Variants in CEACAM3 observed in about 807,000 individuals in gnomAD.
CEACAM3 encodes the protein CEA cell adhesion molecule 3.
Under a neutral mutation model 30.1 loss-of-function variants are expected in CEACAM3, and 32 were observed. The observed-to-expected ratio is 1.06, with a 90% CI of 0.80 to 1.43. The LOEUF is 1.43. Ranked by LOEUF, CEACAM3 falls within the 40% of genes most tolerant of loss-of-function variation. The pLI is 0.00. For missense variants in CEACAM3, 290 were observed against 316.3 expected (o/e 0.92, Z 0.63); for synonymous variants, 134 against 127.2 (o/e 1.05, Z -0.36).
rs2073225756 is a variant in CEACAM3, at chr19:41,808,886, G to T, written c.498G>T (p.Leu166=). Reference sequence around the variant, plus strand: ...CCGGGGTCCTGGTCGGAGTGGCGCTGGTGGCCGCGCTGGTGTGTTTCCTGC... The same window carrying T: ...CCGGGGTCCTGGTCGGAGTGGCGCTTGTGGCCGCGCTGGTGTGTTTCCTGC... ...IVTGVLVGVA[L]VAALVCFLLL... The change falls in exon 3 of 7, where the codon CTG becomes CTT. Residue 166 remains leucine (L), a synonymous_variant. Transcript: ENST00000357396. 6.2e-7 allele frequency: 1 copy of T among 1,608,624 alleles called. No homozygotes were observed. The highest frequency in any genetic ancestry group is 8.5e-7 in the Non-Finnish European group (1 of 1,177,430).
At chr19:41,804,973 A>C (rs1023956075) in intron 2 of CEACAM3, among the ~76,000 whole-genome samples, 5 of 152,144 alleles carry the variant, frequency 3.3e-5, no homozygotes, top group African/African-American at 1.2e-4. Context: ...CCAATATCCA[A>C]AATTTTTTGA....
chr19:41,797,507 G>C (rs2073111104), intron 1 of CEACAM3, 82 bp from the exon 2 acceptor site: 2 of 1,524,882 alleles, frequency 1.3e-6, no homozygotes, highest in Non-Finnish European at 1.8e-6. Context: ...GAAGGGTGAA[G>C]AGACTCTCTC....
rs1231688072 is a variant in CEACAM3 at position 41,797,611 on chromosome 19, C to T, written c.87C>T (p.Asn29=). 2 of 1,613,710 alleles carry T rather than the reference C, an allele frequency of 1.2e-6. No individual in the cohort carries two copies. Among genetic ancestry groups the T allele is most frequent in the Non-Finnish European group, 1.7e-6 (2 of 1,179,808 alleles). Residue 29 remains asparagine (N), a synonymous_variant, in exon 2 of 7, where the codon AAC becomes AAT. Coordinates refer to ENST00000357396, the MANE Select transcript of CEACAM3 (RefSeq NM_001815.5). ...TAGCCTCACTTCTAAACTTCTGGAA[C>T]CCGCCCACCACTGCCAAGCTCACTA... ...LLTASLLNFW[N]PPTTAKLTIE... is the part of the protein sequence containing the mutation.
chr19:41,805,309 T>C (rs1686787913), intron 2 of CEACAM3, among the ~76,000 whole-genome samples: 1 of 122,550 alleles, frequency 8.2e-6, no homozygotes, highest in South Asian at 2.7e-4. Flanking sequence ...TTTTTTTTTT[T>C]AGATAGAGTT....
At chr19:41,797,055 T>C (rs2122985720) in intron 1 of CEACAM3, 1 of 298,620 alleles carries the variant, frequency 3.3e-6, no homozygotes, top group Non-Finnish European at 6.2e-6. Context: ...AAAACCTGTC[T>C]TTGACCACCA....
At chr19:41,808,226 C>A (rs2059520757) in intron 2 of CEACAM3, among the ~76,000 whole-genome samples, 1 of 152,200 alleles carries the variant, frequency 6.6e-6, no homozygotes. Context: ...GACCTTGGGG[C>A]CAGCCTGGAA....
In CEACAM3 at chr19:41,810,818, C is replaced by T; in HGVS notation, c.628-14C>T. The T allele has an allele frequency of 1.9e-6, 3 of 1,609,144 alleles. No individual in the cohort carries two copies. Among genetic ancestry groups the T allele is most frequent in the Non-Finnish European group, 2.6e-6 (3 of 1,175,966 alleles). ...CCAGGCTGGGCCTCCATGACCCTCCCTCCCTGTCCACAGATGTCCCCTCTC... is the reference window on the plus strand; with the variant it reads ...CCAGGCTGGGCCTCCATGACCCTCCTTCCCTGTCCACAGATGTCCCCTCTC... On this transcript the variant is annotated splice_polypyrimidine_tract_variant and intron_variant, in intron 5 of 6. Coordinates refer to ENST00000357396, the MANE Select transcript of CEACAM3 (RefSeq NM_001815.5).
chr19:41,804,462 C>T (rs1288195390), intron 2 of CEACAM3, among the ~76,000 whole-genome samples: 2 of 152,214 alleles, frequency 1.3e-5, no homozygotes, highest in Non-Finnish European at 2.9e-5. Context: ...AGGCCCCTTC[C>T]TATTTTGCCT....
At chr19:41,804,530 T>A (rs1254267485) in intron 2 of CEACAM3, among the ~76,000 whole-genome samples, 1 of 152,174 alleles carries the variant, frequency 6.6e-6, no homozygotes, top group Non-Finnish European at 1.5e-5. Context: ...CATACACACA[T>A]CACATCTCCT....
intron 2 of CEACAM3, among the ~76,000 whole-genome samples, chr19:41,806,666 GT>G (rs1555826806): frequency 6.6e-6 from 1 of 151,994 alleles, no homozygotes; most frequent in Non-Finnish European, 1.5e-5. Flanking sequence ...GTCTTTTTTT[GT>G]TTGTGTGTTT....
At chr19:41,805,975 G>A (rs547508451) in intron 2 of CEACAM3, among the ~76,000 whole-genome samples, 1 of 151,808 alleles carries the variant, frequency 6.6e-6, no homozygotes, top group East Asian at 1.9e-4. Flanking sequence ...CTCTTTCTAA[G>A]TTGGGATTCT....
chr19:41,802,083 A>G (rs542160699), intron 2 of CEACAM3, among the ~76,000 whole-genome samples: 1 of 152,206 alleles, frequency 6.6e-6, no homozygotes, highest in Non-Finnish European at 1.5e-5. Flanking sequence ...GAAGTCAGCC[A>G]TGCTAGCTTA....
intron 2 of CEACAM3, chr19:41,807,521 A>G: frequency 7.2e-7 from 1 of 1,393,222 alleles, no homozygotes; most frequent in Non-Finnish European, 9.5e-7. Context: ...TGTCCCAAGC[A>G]AACCTGGGCA....
chr19:41,800,011 C>T (rs964297401), intron 2 of CEACAM3, among the ~76,000 whole-genome samples: 1 of 151,686 alleles, frequency 6.6e-6, no homozygotes. Flanking sequence ...ACCCAGGCGC[C>T]GAGGCAAGAG....
chr19:41,803,509 C>T (rs1279973197), intron 2 of CEACAM3, among the ~76,000 whole-genome samples: 2 of 145,688 alleles, frequency 1.4e-5, no homozygotes, highest in Non-Finnish European at 3.0e-5. Context: ...CTCTGTACCC[C>T]AGGCTGGAGT....
intron 3 of CEACAM3, 171 bp from the exon 4 acceptor site, chr19:41,809,780 GATGTGGGTTCCTAA>G (rs1284852513): frequency 3.0e-6 from 2 of 659,266 alleles, no homozygotes; most frequent in African/African-American, 3.6e-5. Flanking sequence ...GCTCAGGACA[GATGTGGGTTCCTAA>G]AGCCTTTCCT....
chr19:41,811,254 C>T lies in CEACAM3; in HGVS notation c.*17C>T. The T allele has an allele frequency of 1.2e-6, 2 of 1,611,182 alleles. No individual in the cohort carries two copies. Among genetic ancestry groups the T allele is most frequent in the Non-Finnish European group, 1.7e-6 (2 of 1,178,048 alleles). On this transcript the variant is annotated 3_prime_UTR_variant, in exon 7 of 7. Coordinates refer to ENST00000357396, the MANE Select transcript of CEACAM3 (RefSeq NM_001815.5). The stretch of plus-strand genomic sequence containing the variant: ...GCTTCTTAGCTTCCTCCAGGAGCTG[C>T]TCCTGTGTGTTGATGGAGAGTCCCC...
intron 2 of CEACAM3, among the ~76,000 whole-genome samples, chr19:41,804,680 T>A (rs2073184534): frequency 6.6e-6 from 1 of 152,218 alleles, no homozygotes; most frequent in Non-Finnish European, 1.5e-5. Context: ...GCATCTTTCT[T>A]TGAGCTTAAC....
chr19:41,796,662 G>A lies in CEACAM3; in HGVS notation c.-16G>A. The A allele has an allele frequency of 6.2e-7, 1 of 1,614,138 alleles. No homozygotes were observed. The highest frequency in any genetic ancestry group is 1.1e-5 in the South Asian group (1 of 91,088). On this transcript the variant is annotated 5_prime_UTR_variant, in exon 1 of 7. Coordinates refer to ENST00000357396, the MANE Select transcript of CEACAM3 (RefSeq NM_001815.5). The stretch of plus-strand genomic sequence containing the variant: ...GCTCTTTTCCACAGAGGAGGAAAGA[G>A]CAGGCAGCAGAGACCATGGGGCCCC...
Sources: gnomAD v4.1 joint callset for allele counts (sites outside exome capture counted in the v4.1 genomes callset) on GRCh38, gnomAD v4.1.1 for gene constraint, MANE v1.5 for transcripts, NCBI Gene and HGNC (gene_info 2026-07-23, HGNC 2026-07-21) for gene names.